The following BOD1L1 variants were observed in gnomAD, a reference collection of about 807,000 sequenced individuals.
BOD1L1 encodes the protein biorientation of chromosomes in cell division protein 1-like 1.
A neutral mutation model predicts 240.7 loss-of-function variants in BOD1L1; 86 were observed. The observed-to-expected ratio is 0.36, with a 90% CI of 0.30 to 0.43. The LOEUF (loss-of-function observed/expected upper bound fraction) is 0.43, where lower values mean the gene tolerates loss of function less well. Ranked by LOEUF, BOD1L1 falls within the 20% of genes least tolerant of loss-of-function variation. BOD1L1 has a pLI of 1.00. For synonymous variants in BOD1L1, 1,268 were observed against 1,272.3 expected (o/e 1.00, Z 0.07); for missense variants, 3,554 against 3,643.5 (o/e 0.98, Z 0.63).
chr4:13,577,691 A>G, intron 22 of BOD1L1, 60 bp from the exon 23 acceptor site: 1 of 1,289,568 alleles, frequency 7.8e-7, no homozygotes, highest in African/African-American at 1.5e-5. Context: ...AAATTTCAAC[A>G]ATCAGCCTGG....
rs768340636 is a variant in BOD1L1, at chr4:13,604,856, G to A, written c.2044C>T (p.Arg682Cys). Residue 682 changes from arginine (R) to cysteine (C), a missense_variant, in exon 10 of 26, where the codon CGC becomes TGC. Arg to Cys is a radical substitution (Grantham distance 180, BLOSUM62 -3). This residue lies in a region of BOD1L1 where 3,393 missense variants were observed against 3,427.1 expected (regional missense o/e 0.99). Transcript: ENST00000040738. ...GGCTCTTCGGTGCAAATTTCTGAGCGTTCTACTTGCCTTTTTACATCTCTT... is the reference window on the plus strand; with the variant it reads ...GGCTCTTCGGTGCAAATTTCTGAGCATTCTACTTGCCTTTTTACATCTCTT... Reference protein sequence around the residue: ...DTRDVKRQVERSEICTEEPQK... With the variant: ...DTRDVKRQVECSEICTEEPQK... 9.3e-6 allele frequency: 15 copies of A among 1,611,890 alleles called. No homozygotes were observed. The highest frequency in any genetic ancestry group is 2.2e-5 in the South Asian group (2 of 90,380).
intron 2 of BOD1L1, 84 bp from the exon 3 acceptor site, chr4:13,615,586 G>T: frequency 8.1e-7 from 1 of 1,238,080 alleles, no homozygotes; most frequent in South Asian, 1.6e-5. Context: ...TCTACAATCT[G>T]TCATCTATCT....
intron 17 of BOD1L1, among the ~76,000 whole-genome samples, chr4:13,584,514 T>C (rs990727758): frequency 1.3e-5 from 2 of 150,896 alleles, no homozygotes; most frequent in African/African-American, 4.9e-5. Context: ...GCAGAAGTTT[T>C]TGGGGTCTTC....
chr4:13,613,513 A>G lies in BOD1L1; in HGVS notation c.1323T>C (p.Asp441=). 1 of 1,610,342 alleles carries G rather than the reference A, an allele frequency of 6.2e-7. No individual in the cohort carries two copies. Among genetic ancestry groups the G allele is most frequent in the Non-Finnish European group, 8.5e-7 (1 of 1,177,752 alleles). ...DSMEEGEITS[D]DEEKNKQNKT... is the part of the protein sequence containing the mutation. ...GCATTATTATGTAAAATGCTTTACC[A>G]TCTGACGTAATCTCTCCTTCTTCCA... Residue 441 remains aspartate (D), a splice_region_variant and synonymous_variant, in exon 5 of 26, where the codon GAT becomes GAC. Coordinates refer to ENST00000040738, the MANE Select transcript of BOD1L1 (RefSeq NM_148894.3). The surrounding 1 kb of genome is among the most constrained non-coding windows in gnomAD (Gnocchi z 4.0).
Position 13,627,450 on chromosome 4 carries a change from C to A in BOD1L1, c.138G>T (p.Ala46=). 8.2e-7 allele frequency: 1 copy of A among 1,219,290 alleles called. No homozygotes were observed. The highest frequency in any genetic ancestry group is 1.0e-6 in the Non-Finnish European group (1 of 967,728). The allele number at this position is 1,219,290 out of a possible 1,614,324, so 75.5% of individuals were successfully genotyped here. The stretch of plus-strand genomic sequence containing the variant: ...CCACGAGCTGCGGGTCCCCGGCGCC[C>A]GCACCCGCGCCGCCCGCCCCGCCCG... ...PGAGGAGGAG[A]GAGDPQLVAM... is the part of the protein sequence containing the mutation. Residue 46 remains alanine (A), a synonymous_variant, in exon 1 of 26, where the codon GCG becomes GCT. Coordinates refer to ENST00000040738, the MANE Select transcript of BOD1L1 (RefSeq NM_148894.3).
At chr4:13,618,425 G>T (rs1577380255) in intron 2 of BOD1L1, among the ~76,000 whole-genome samples, 1 of 152,152 alleles carries the variant, frequency 6.6e-6, no homozygotes, top group South Asian at 2.1e-4. Flanking sequence ...AGCTATTTTG[G>T]TCATTGTTCT....
intron 25 of BOD1L1, among the ~76,000 whole-genome samples, chr4:13,574,982 T>C (rs1712578168): frequency 6.6e-6 from 1 of 151,294 alleles, no homozygotes; most frequent in African/African-American, 2.4e-5. Flanking sequence ...TGCAATGGCG[T>C]GATCTCGGCT....
intron 22 of BOD1L1, chr4:13,577,906 C>CTTTT: frequency 4.4e-6 from 1 of 229,846 alleles, no homozygotes; most frequent in Non-Finnish European, 8.3e-6. Flanking sequence ...GATTAGACTA[C>CTTTT]TTTTTTTTTT....
chr4:13,573,633 C>T (rs1712440705), intron 25 of BOD1L1, among the ~76,000 whole-genome samples: 1 of 152,104 alleles, frequency 6.6e-6, no homozygotes, highest in African/African-American at 2.4e-5. Context: ...AAGCAATTCT[C>T]CTGCCTCAGC....
intron 10 of BOD1L1, among the ~76,000 whole-genome samples, chr4:13,597,622 A>G (rs1254059729): frequency 6.6e-6 from 1 of 152,134 alleles, no homozygotes; most frequent in Admixed American, 6.5e-5. Flanking sequence ...AGACAAAAAG[A>G]AAAAATTTTC....
intron 2 of BOD1L1, among the ~76,000 whole-genome samples, chr4:13,619,052 G>A (rs1421132682): frequency 6.6e-6 from 1 of 152,070 alleles, no homozygotes; most frequent in East Asian, 1.9e-4. Context: ...GCCAGGTGAG[G>A]TGGCCCATGC....
rs377078283 is a variant in BOD1L1 at position 13,621,186 on chromosome 4, C to G, written c.244-1119G>C. Among the ~76,000 whole-genome samples, 3 of 152,200 alleles carry G rather than the reference C, an allele frequency of 2.0e-5. No individual in the cohort carries two copies. In the East Asian group the frequency reaches 5.8e-4, roughly 29 times the overall value. On this transcript the variant is annotated intron_variant, in intron 1 of 25. Transcript: ENST00000040738. ...GCATTGCCTGGAAGGAATATGTGACCAAGCACTCAGCACTGCACTCCATTT... is the reference window on the plus strand; with the variant it reads ...GCATTGCCTGGAAGGAATATGTGACGAAGCACTCAGCACTGCACTCCATTT...
chr4:13,606,046 C>A (rs967716412), intron 9 of BOD1L1, among the ~76,000 whole-genome samples: 1 of 152,128 alleles, frequency 6.6e-6, no homozygotes, highest in Admixed American at 6.5e-5. Context: ...TTCAGACGGA[C>A]CTTTGTGCCT....
rs768218215 is a variant in BOD1L1 at position 13,600,405 on chromosome 4, A to G, written c.6495T>C (p.Ala2165=). The change falls in exon 10 of 26, where the codon GCT becomes GCC. Residue 2165 remains alanine, a synonymous_variant. Transcript: ENST00000040738. ...PISSATTIKC[A]ESLQPVAAAV... ...CTGCAGCAACCGGCTGAAGACTTTC[A>G]GCACACTTGATGGTTGTTGCACTGG... 62 of 1,613,874 alleles carry G rather than the reference A, an allele frequency of 3.8e-5. No homozygotes were observed. Among genetic ancestry groups the G allele is most frequent in the Non-Finnish European group, 1.8e-5 (21 of 1,179,906 alleles).
rs1308432704 is a variant in BOD1L1, at chr4:13,622,716, C to A, written c.244-2649G>T. 3.3e-5 allele frequency among the ~76,000 whole-genome samples: 5 copies of A among 152,336 alleles called. No homozygotes were observed. The East Asian group carries it at 7.7e-4, about 23-fold the overall frequency. ...TGCAGAATTCTATCCTTACCTACAACAAAGTTGTCTTCTAAAAATCAGGTA... is the reference window on the plus strand; with the variant it reads ...TGCAGAATTCTATCCTTACCTACAAAAAAGTTGTCTTCTAAAAATCAGGTA... On this transcript the variant is annotated intron_variant, in intron 1 of 25. Transcript: ENST00000040738.
intron 9 of BOD1L1, among the ~76,000 whole-genome samples, chr4:13,605,730 T>C (rs2108962531): frequency 6.6e-6 from 1 of 152,316 alleles, no homozygotes; most frequent in South Asian, 2.1e-4. Flanking sequence ...TTCCTATATT[T>C]TAATTTAAAA....
At position 13,603,196 on chromosome 4, in the gene BOD1L1, G is replaced by A. The variant is rs746287855; in HGVS notation, c.3704C>T (p.Ser1235Phe). The change falls in exon 10 of 26, where the codon TCT (serine) becomes TTT (phenylalanine). Residue 1235 changes from serine to phenylalanine, a missense_variant. By Grantham distance (155) the Ser-to-Phe change is radical. This residue lies in a region of BOD1L1 where 3,393 missense variants were observed against 3,427.1 expected (regional missense o/e 0.99). Transcript: ENST00000040738. ...HRGTTEVNID[S>F]ETVHRMLLSA... The stretch of plus-strand genomic sequence containing the variant: ...CAGTAACATTCTATGAACAGTTTCA[G>A]AATCTATATTCACTTCAGTAGTTCC... The A allele has an allele frequency of 6.2e-7, 1 of 1,613,972 alleles. No individual in the cohort carries two copies. The highest frequency in any genetic ancestry group is 1.3e-5 in the African/African-American group (1 of 75,038).
intron 22 of BOD1L1, among the ~76,000 whole-genome samples, chr4:13,579,550 G>T (rs562377489): frequency 2.6e-5 from 4 of 152,184 alleles, no homozygotes; most frequent in Admixed American, 2.6e-4. Flanking sequence ...GGCACCTCTT[G>T]TTTTATGTAA....
intron 19 of BOD1L1, among the ~76,000 whole-genome samples, chr4:13,581,673 A>T (rs1713239770): frequency 6.6e-6 from 1 of 152,138 alleles, no homozygotes. Flanking sequence ...GTGTCTCTTG[A>T]TTTATGGTGC....
Sources: allele counts gnomAD v4.1 joint callset (sites outside exome capture counted in the v4.1 genomes callset), GRCh38; gene constraint gnomAD v4.1.1; regional missense constraint gnomAD v4.1.1; non-coding constraint Gnocchi (gnomAD v3.1); transcripts MANE v1.5; gene names NCBI Gene and HGNC (gene_info 2026-07-23, HGNC 2026-07-21).